Variants in CSGALNACT1 observed in about 807,000 individuals in gnomAD.
CSGALNACT1 encodes the protein chondroitin sulfate N-acetylgalactosaminyltransferase 1.
In CSGALNACT1, 52 loss-of-function variants were observed where a neutral mutation model predicts 51.0. The ratio of observed to expected loss-of-function variants is 1.02; its 90% CI spans 0.82 to 1.29. CSGALNACT1 has a LOEUF of 1.29. Ranked by LOEUF, CSGALNACT1 falls within the 50% of genes most tolerant of loss-of-function variation. The pLI, the probability that CSGALNACT1 is intolerant of heterozygous loss-of-function variation, is 0.00. For missense variants in CSGALNACT1, 935 were observed against 679.2 expected (o/e 1.38, Z -4.19); for synonymous variants, 341 against 254.4 (o/e 1.34, Z -3.24).
intron 3 of CSGALNACT1, among the ~76,000 whole-genome samples, chr8:19,549,215 T>C (rs1220087317): frequency 2.0e-5 from 3 of 151,962 alleles, no homozygotes; most frequent in Non-Finnish European, 4.4e-5. Flanking sequence ...CTCCATCCTC[T>C]CCCCTCGAAA....
chr8:19,492,015 T>A (rs1284079373), intron 4 of CSGALNACT1, among the ~76,000 whole-genome samples: 3 of 152,218 alleles, frequency 2.0e-5, no homozygotes, highest in Non-Finnish European at 4.4e-5. Context: ...CTCTATTTAT[T>A]GACCATAAAC....
intron 1 of CSGALNACT1, among the ~76,000 whole-genome samples, chr8:19,668,727 G>A (rs1238581256): frequency 1.3e-5 from 2 of 151,888 alleles, no homozygotes; most frequent in African/African-American, 2.4e-5. Context: ...GCTGATTTTT[G>A]GATTATTAGG....
At chr8:19,612,576 C>T (rs946104492) in intron 1 of CSGALNACT1, among the ~76,000 whole-genome samples, 2 of 151,944 alleles carry the variant, frequency 1.3e-5, no homozygotes, top group South Asian at 2.1e-4. Context: ...GCACTCTAAC[C>T]ATCTTTTTCA....
intron 1 of CSGALNACT1, among the ~76,000 whole-genome samples, chr8:19,745,825 G>A (rs974690023): frequency 1.1e-4 from 16 of 152,062 alleles, no homozygotes; most frequent in African/African-American, 3.4e-4. Context: ...TTAATCACAC[G>A]GCATCTCCCT....
chr8:19,708,057 C>T (rs1258289347), intron 1 of CSGALNACT1, among the ~76,000 whole-genome samples: 1 of 152,058 alleles, frequency 6.6e-6, no homozygotes, highest in Admixed American at 6.6e-5. Flanking sequence ...CACTGCTGCT[C>T]CACCCTGAGA....
chr8:19,612,951 A>G (rs1484162363), intron 1 of CSGALNACT1, among the ~76,000 whole-genome samples: 5 of 122,682 alleles, frequency 4.1e-5, no homozygotes, highest in African/African-American at 2.1e-4. Context: ...AGCTGGAAAA[A>G]AAAAAAAAAA....
In CSGALNACT1 at chr8:19,505,305, C is replaced by A; in HGVS notation, c.530G>T (p.Arg177Leu). The A allele has an allele frequency of 1.2e-6, 2 of 1,614,186 alleles. No homozygotes were observed. The highest frequency in any genetic ancestry group is 1.1e-5 in the South Asian group (1 of 91,082). ...TTCAATGGCTTCCACCAACTCATCC[C>A]GCTTGTCCTTCCTCACAGGCTTCTC... The change falls in exon 4 of 10, where the codon CGG becomes CTG. Residue 177 changes from arginine to leucine, a missense_variant. Physicochemically the swap from Arg to Leu is moderately radical, Grantham distance 102 (BLOSUM62 -2). Coordinates refer to ENST00000454498, the Ensembl canonical transcript of CSGALNACT1.
At chr8:19,541,214 G>A (rs2154070288) in intron 3 of CSGALNACT1, among the ~76,000 whole-genome samples, 1 of 150,996 alleles carries the variant, frequency 6.6e-6, no homozygotes, top group Non-Finnish European at 1.5e-5. Flanking sequence ...CAAGTAGCTG[G>A]AACCACAGGC....
chr8:19,552,882 C>T (rs10503650), intron 3 of CSGALNACT1, among the ~76,000 whole-genome samples: 19,460 of 152,058 alleles, frequency 0.13, 1,357 homozygotes, highest in South Asian at 0.17. Flanking sequence ...CCTTCAAAAA[C>T]GTACTAAGAA....
intron 8 of CSGALNACT1, among the ~76,000 whole-genome samples, chr8:19,417,501 T>G (rs2057115870): frequency 6.6e-6 from 1 of 152,146 alleles, no homozygotes; most frequent in Non-Finnish European, 1.5e-5. Flanking sequence ...AAGTCAATCC[T>G]CAAACGCATC....
intron 4 of CSGALNACT1, among the ~76,000 whole-genome samples, chr8:19,481,016 G>T (rs1390584682): frequency 3.3e-5 from 5 of 152,124 alleles, no homozygotes; most frequent in Admixed American, 3.3e-4. Context: ...GAGGTCATCT[G>T]CCCGTCCAAG....
intron 5 of CSGALNACT1, among the ~76,000 whole-genome samples, chr8:19,454,669 AAAAT>A (rs978495732): frequency 1.3e-5 from 2 of 152,182 alleles, no homozygotes; most frequent in African/African-American, 4.8e-5. Context: ...ACTCTGTCTC[AAAAT>A]AAATAAATAA....
chr8:19,461,034 C>T (rs144443916), intron 4 of CSGALNACT1, among the ~76,000 whole-genome samples: 16 of 152,230 alleles, frequency 1.1e-4, no homozygotes, highest in Admixed American at 3.3e-4. Flanking sequence ...GGCCGAGACA[C>T]GGAGGAATTA....
intron 2 of CSGALNACT1, among the ~76,000 whole-genome samples, chr8:19,594,539 A>C (rs1037158978): frequency 6.6e-6 from 1 of 152,108 alleles, no homozygotes; most frequent in Non-Finnish European, 1.5e-5. Context: ...GCTAGTCCAC[A>C]CCCAGGCACC....
chr8:19,458,357 A>AC (rs1233661233), intron 5 of CSGALNACT1, 69 bp downstream of exon 4: 1 of 1,242,380 alleles, frequency 8.0e-7, no homozygotes, highest in Non-Finnish European at 1.2e-6. Context: ...GAAGGAGATG[A>AC]CGGGAAATGA....
intron 5 of CSGALNACT1, among the ~76,000 whole-genome samples, chr8:19,442,777 G>A (rs1295837479): frequency 6.6e-6 from 1 of 151,694 alleles, no homozygotes; most frequent in African/African-American, 2.4e-5. Context: ...GAGAGGATGA[G>A]ACTAGAATCC....
At chr8:19,480,385 T>C (rs979471471) in intron 4 of CSGALNACT1, among the ~76,000 whole-genome samples, 3 of 152,212 alleles carry the variant, frequency 2.0e-5, no homozygotes, top group African/African-American at 7.2e-5. Context: ...TGTTTTTGCA[T>C]TAGTTTGCTT....
chr8:19,426,694 A>C (rs1395244748), intron 6 of CSGALNACT1, among the ~76,000 whole-genome samples: 1 of 152,212 alleles, frequency 6.6e-6, no homozygotes, highest in Non-Finnish European at 1.5e-5. Flanking sequence ...TGGTGCACGG[A>C]GACTCCTCTA....
chr8:19,432,826 T>C (rs2059834985), intron 6 of CSGALNACT1, among the ~76,000 whole-genome samples: 1 of 152,196 alleles, frequency 6.6e-6, no homozygotes, highest in Non-Finnish European at 1.5e-5. Flanking sequence ...TAGTATAGCA[T>C]GTTTTTCATA....
Sources: gnomAD v4.1 joint callset for allele counts (sites outside exome capture counted in the v4.1 genomes callset) on GRCh38, gnomAD v4.1.1 for gene constraint, MANE v1.5 for transcripts, NCBI Gene and HGNC (gene_info 2026-07-23, HGNC 2026-07-21) for gene names.